PANK1: variants seen among roughly 807,000 people sequenced by gnomAD.
The protein encoded by PANK1 is pantothenic acid kinase 1.
Under a neutral mutation model 40.1 loss-of-function variants are expected in PANK1, and 18 were observed. The observed-to-expected ratio is 0.45, with a 90% CI of 0.31 to 0.67. PANK1 has a LOEUF of 0.67. PANK1 is among the 30% of genes least tolerant of loss of function. PANK1 has a pLI of 0.06. For missense variants in PANK1, 457 were observed against 599.6 expected (o/e 0.76, Z 2.48); for synonymous variants, 242 against 237.7 (o/e 1.02, Z -0.17).
At chr10:89,580,260 T>C (rs552767291), downstream of PANK1, 43 of 152,382 alleles carry the variant, frequency 2.8e-4, no homozygotes, top group Non-Finnish European at 5.4e-4. Context: ...GGAATAATGT[T>C]AGGTATTCAA....
In PANK1 at chr10:89,634,356, T is replaced by A. The variant is rs191697243; in HGVS notation, c.292+10244A>T. Among the ~76,000 whole-genome samples, 142 of 152,318 alleles carry A rather than the reference T, an allele frequency of 9.3e-4. 2 individuals carry two copies. The highest frequency in any genetic ancestry group is 7.0e-3 in the Admixed American group (107 of 15,300). The stretch of plus-strand genomic sequence containing the variant: ...AGGCTAGCTACAATTCAGAAGTTCA[T>A]ACAGGTCCAGTCTGTCCTGAGCCTC... On this transcript the variant is annotated intron_variant, in intron 1 of 6. Transcript: ENST00000307534.
chr10:89,590,240 C>T lies in PANK1; in HGVS notation c.1201-1463G>A, dbSNP rs114331694. Among the ~76,000 whole-genome samples the T allele has an allele frequency of 5.2e-3, 798 of 152,082 alleles. 4 individuals are homozygous for T. The highest frequency in any genetic ancestry group is 0.018 in the African/African-American group (757 of 41,482). ...GGAAGCAATAAATGGAAAATATTAT[C>T]AGTACATTTCACATAAAATGGATTT... On this transcript the variant is annotated intron_variant, in intron 5 of 6. Transcript: ENST00000307534.
At chr10:89,643,738 AAAG>A (rs1346819107) in intron 1 of PANK1, 2 of 1,613,738 alleles carry the variant, frequency 1.2e-6, no homozygotes, top group African/African-American at 1.3e-5. Context: ...AGACACCCAC[AAAG>A]AAGTAACCAG....
rs1232121710 is a variant in PANK1, at chr10:89,584,350, C to T, written c.*56G>A. On this transcript the variant is annotated 3_prime_UTR_variant, in exon 7 of 7. Coordinates refer to ENST00000307534, the MANE Select transcript of PANK1 (RefSeq NM_148977.3). ...CCAAAGCGACTTTCACCTTCTCCAGCAGCAATTTTTTAGTTCTCTGTCCTT... is the reference window on the plus strand; with the variant it reads ...CCAAAGCGACTTTCACCTTCTCCAGTAGCAATTTTTTAGTTCTCTGTCCTT... The T allele has an allele frequency of 8.6e-7, 1 of 1,156,492 alleles. No individual in the cohort carries two copies. Among genetic ancestry groups the T allele is most frequent in the Non-Finnish European group, 1.3e-6 (1 of 765,664 alleles). The allele number at this position is 1,156,492 out of a possible 1,614,324, so 71.6% of individuals were successfully genotyped here.
At chr10:89,644,168 C>T (rs148392435) in intron 1 of PANK1, among the ~76,000 whole-genome samples, 1 of 152,188 alleles carries the variant, frequency 6.6e-6, no homozygotes, top group East Asian at 1.9e-4. Flanking sequence ...GGCAGGCAAC[C>T]CCAGTAGGAC....
intron 1 of PANK1, 150 bp from the exon 2 acceptor site, chr10:89,612,198 A>G: frequency 1.4e-6 from 1 of 705,380 alleles, no homozygotes; most frequent in South Asian, 1.9e-5. Context: ...TGTGCCTAAA[A>G]GGTGGCACAG....
chr10:89,625,890 A>T (rs1257685294), intron 1 of PANK1: 1 of 152,198 alleles, frequency 6.6e-6, no homozygotes, highest in Non-Finnish European at 1.5e-5. Context: ...CAAATCCATG[A>T]GGTTAATAAA....
chr10:89,625,250 G>A (rs1845624974), intron 1 of PANK1, among the ~76,000 whole-genome samples: 1 of 152,198 alleles, frequency 6.6e-6, no homozygotes, highest in Admixed American at 6.5e-5. Flanking sequence ...AGTGGCTCTT[G>A]CTTGAAACTG....
intron 6 of PANK1, among the ~76,000 whole-genome samples, chr10:89,585,161 G>A (rs1323038205): frequency 6.6e-6 from 1 of 152,174 alleles, no homozygotes; most frequent in African/African-American, 2.4e-5. Context: ...ATTCCTCACA[G>A]ATAGCTGTCT....
chr10:89,589,410 T>A (rs941653691), intron 5 of PANK1, among the ~76,000 whole-genome samples: 2 of 152,136 alleles, frequency 1.3e-5, no homozygotes, highest in Non-Finnish European at 2.9e-5. Flanking sequence ...TCCTCTCCTA[T>A]CCGGTTCATG....
rs576045666 is a variant in PANK1 at position 89,584,551 on chromosome 10, G to A, written c.1327-86C>T. ...TAATTCTAGGAATGCCACTAATATC[G>A]ATAAAAGAGAAATTTAAAACCTAAA... On this transcript the variant is annotated intron_variant, in intron 6 of 6. Coordinates refer to ENST00000307534, the MANE Select transcript of PANK1 (RefSeq NM_148977.3). 2.7e-4 allele frequency: 231 copies of A among 851,406 alleles called. 1 individual carries two copies. Among genetic ancestry groups the A allele is most frequent in the Non-Finnish European group, 2.9e-4 (149 of 512,690 alleles). 52.7% of individuals were successfully genotyped at this position (851,406 alleles called of 1,614,324 possible).
At chr10:89,643,943 G>T in intron 1 of PANK1, 2 of 1,168,892 alleles carry the variant, frequency 1.7e-6, no homozygotes, top group South Asian at 2.2e-5. Context: ...CTCCCCCTTC[G>T]TTGAAAAAAA....
intron 1 of PANK1, among the ~76,000 whole-genome samples, chr10:89,627,856 T>A (rs1413786039): frequency 2.0e-5 from 3 of 152,144 alleles, no homozygotes; most frequent in Non-Finnish European, 4.4e-5. Flanking sequence ...GACTAAAACT[T>A]ATACAAGTTT....
In PANK1 at chr10:89,645,229, T is replaced by A. The variant is rs1428938003; in HGVS notation, c.-338A>T. ...CCGCGCGACTTCAAACGCGGCTTCC[T>A]CGCCTCCCAGACTGGTCCCCGCCAC... is the stretch of plus-strand genomic sequence containing the variant. On this transcript the variant is annotated 5_prime_UTR_variant, in exon 1 of 7. Transcript: ENST00000307534. The A allele has an allele frequency of 6.3e-7, 1 of 1,599,816 alleles. No individual in the cohort carries two copies. Among genetic ancestry groups the A allele is most frequent in the African/African-American group, 1.4e-5 (1 of 73,092 alleles).
At chr10:89,620,816 GC>G (rs754139336) in intron 1 of PANK1, among the ~76,000 whole-genome samples, 5 of 152,122 alleles carry the variant, frequency 3.3e-5, no homozygotes, top group Non-Finnish European at 5.9e-5. Flanking sequence ...ACTGCCAGAG[GC>G]CCAGCTGTAA....
At chr10:89,580,055 T>C (rs1349469862), downstream of PANK1, 1 of 152,234 alleles carries the variant, frequency 6.6e-6, no homozygotes, top group Non-Finnish European at 1.5e-5. Flanking sequence ...ACAATTCTTG[T>C]GAGTGATAGT....
intron 1 of PANK1, among the ~76,000 whole-genome samples, chr10:89,627,903 G>C (rs781626079): frequency 5.3e-5 from 8 of 152,074 alleles, no homozygotes; most frequent in Non-Finnish European, 1.0e-4. Flanking sequence ...GGATATAAGA[G>C]CTCTGGCCCA....
chr10:89,600,773 T>C (rs904193773), intron 2 of PANK1, among the ~76,000 whole-genome samples: 2 of 152,118 alleles, frequency 1.3e-5, no homozygotes, highest in African/African-American at 4.8e-5. Context: ...TCTGGAAACA[T>C]CATTTTCCAT....
downstream of PANK1, chr10:89,579,676 T>G (rs2133906210): frequency 6.6e-6 from 1 of 152,332 alleles, no homozygotes; most frequent in Middle Eastern, 3.4e-3. Context: ...TAATCATACT[T>G]GCATTTTATG....
Sources: allele counts gnomAD v4.1 joint callset (sites outside exome capture counted in the v4.1 genomes callset), GRCh38; gene constraint gnomAD v4.1.1; transcripts MANE v1.5; gene names NCBI Gene and HGNC (gene_info 2026-07-23, HGNC 2026-07-21).